The following KLF6 variants were observed in gnomAD, a reference collection of about 807,000 sequenced individuals.
The protein encoded by KLF6 is KLF transcription factor 6, also known as Krueppel-like factor 6.
For missense variants in KLF6, 233 were observed against 359.8 expected, an observed-to-expected ratio of 0.65 and a Z score of 2.85; for synonymous variants, 152 against 147.9, an observed-to-expected ratio of 1.03 and a Z score of -0.20.
Position 3,780,429 on chromosome 10 carries a change from T to C in KLF6, c.677-200A>G. On this transcript the variant is annotated intron_variant, in intron 2 of 3. Transcript: ENST00000497571. This position sits in a 1 kb window ranked among gnomAD's most constrained non-coding sequence, Gnocchi z 4.6. ...CCCAGTCTCAGGCCTCCCACTGCTG[T>C]CCAAGGGACACAGCTTCAGCCAAGC... is the stretch of plus-strand genomic sequence containing the variant. The C allele has an allele frequency of 1.5e-6, 1 of 658,532 alleles. No homozygotes were observed. Among genetic ancestry groups the C allele is most frequent in the Non-Finnish European group, 2.7e-6 (1 of 364,442 alleles). The allele number at this position is 658,532 out of a possible 1,614,324, so 40.8% of individuals were successfully genotyped here. A position where few individuals can be genotyped will look rare whatever the true frequency, so the allele number is the denominator to read the frequency against.
At chr10:3,784,012 C>T (rs923102528) in intron 1 of KLF6, among the ~76,000 whole-genome samples, 1 of 152,190 alleles carries the variant, frequency 6.6e-6, no homozygotes, top group Non-Finnish European at 1.5e-5. Flanking sequence ...TTTCATCTTC[C>T]TTAAAGCTTT....
intron 1 of KLF6, 48 bp downstream of exon 1, chr10:3,784,865 C>G: frequency 6.4e-7 from 1 of 1,567,872 alleles, no homozygotes; most frequent in African/African-American, 1.4e-5. Context: ...ACAGCCGACC[C>G]GGCCCGCGCC....
chr10:3,785,133 G>A lies in KLF6; in HGVS notation c.-119C>T, dbSNP rs761680134. On this transcript the variant is annotated 5_prime_UTR_variant, in exon 1 of 4. Transcript: ENST00000497571. ...GTTTCATGCAAACTCCAGGCTCGCAGAGACGCCCGGCCGGACCCTCCCGCA... is the reference window on the plus strand; with the variant it reads ...GTTTCATGCAAACTCCAGGCTCGCAAAGACGCCCGGCCGGACCCTCCCGCA... 293 of 1,542,856 alleles carry A rather than the reference G, an allele frequency of 1.9e-4. 1 individual carries two copies. In the African/African-American group the frequency reaches 3.4e-3, roughly 18 times the overall value.
Position 3,779,245 on chromosome 10 carries a change from C to T in KLF6, c.*294G>A, listed in dbSNP as rs1334944135. The stretch of plus-strand genomic sequence containing the variant: ...CAGTAATAGATCCTCAACATACAAT[C>T]AACCCAACCATTAGCATTCTCAGTG... On this transcript the variant is annotated 3_prime_UTR_variant, in exon 4 of 4. Coordinates refer to ENST00000497571, the MANE Select transcript of KLF6 (RefSeq NM_001300.6). The T allele has an allele frequency of 1.7e-6, 1 of 595,404 alleles. No individual in the cohort carries two copies. Among genetic ancestry groups the T allele is most frequent in the South Asian group, 1.5e-5 (1 of 65,714 alleles). 36.9% of individuals were successfully genotyped at this position (595,404 alleles called of 1,614,324 possible).
Position 3,778,651 on chromosome 10 carries a change from G to A in KLF6, c.*888C>T, listed in dbSNP as rs1238670970. 5.4e-5 allele frequency: 28 copies of A among 517,338 alleles called. No individual in the cohort carries two copies. Among genetic ancestry groups the A allele is most frequent in the East Asian group, 4.1e-5 (1 of 24,574 alleles). 32.0% of individuals were successfully genotyped at this position (517,338 alleles called of 1,614,324 possible). ...AAAAAAATTGTATATTGCCAGGCCC[G>A]GATGGCTAGGGGGTCACTGTATTAG... On this transcript the variant is annotated 3_prime_UTR_variant, in exon 4 of 4. Coordinates refer to ENST00000497571, the MANE Select transcript of KLF6 (RefSeq NM_001300.6).
In KLF6 at chr10:3,778,369, A is replaced by G; in HGVS notation, c.*1170T>C. On this transcript the variant is annotated 3_prime_UTR_variant, in exon 4 of 4. Transcript: ENST00000497571. ...CTCAAGGCATAAATAAGAGAAACATAGCTGCATGAGAAAACAGTTTCTAAG... is the reference window on the plus strand; with the variant it reads ...CTCAAGGCATAAATAAGAGAAACATGGCTGCATGAGAAAACAGTTTCTAAG... 1 of 524,546 alleles carries G rather than the reference A, an allele frequency of 1.9e-6. No homozygotes were observed. The allele number at this position is 524,546 out of a possible 1,614,324, so 32.5% of individuals were successfully genotyped here. A position where few individuals can be genotyped will look rare whatever the true frequency, so the allele number is the denominator to read the frequency against.
At chr10:3,779,958 T>C (rs1832484076) in intron 3 of KLF6, 148 bp downstream of exon 3, 2 of 1,033,996 alleles carry the variant, frequency 1.9e-6, no homozygotes, top group Admixed American at 2.0e-5. Flanking sequence ...CCAGAAACTT[T>C]CTAAAAAGTC....
rs1216506458 is a variant in KLF6 at position 3,776,879 on chromosome 10, C to G, written c.*2660G>C. 1 of 523,278 alleles carries G rather than the reference C, an allele frequency of 1.9e-6. No homozygotes were observed. The highest frequency in any genetic ancestry group is 3.7e-6 in the Non-Finnish European group (1 of 271,550). 32.4% of individuals were successfully genotyped at this position (523,278 alleles called of 1,614,324 possible). On this transcript the variant is annotated 3_prime_UTR_variant, in exon 4 of 4. Transcript: ENST00000497571. ...CGGTACCCAGCCCCACCCAGGCAAA[C>G]AGCTCCGACATGTTTCGTAAGTGAG...
chr10:3,783,454 G>C (rs1832576263), intron 1 of KLF6, among the ~76,000 whole-genome samples: 1 of 152,094 alleles, frequency 6.6e-6, no homozygotes, highest in South Asian at 2.1e-4. Flanking sequence ...TTCCGGGCAG[G>C]GACCTTCCTG....
chr10:3,777,317 T>C lies in KLF6; in HGVS notation c.*2222A>G, dbSNP rs1172570766. 1 of 513,548 alleles carries C rather than the reference T, an allele frequency of 1.9e-6. No individual in the cohort carries two copies. Among genetic ancestry groups the C allele is most frequent in the Non-Finnish European group, 3.8e-6 (1 of 262,954 alleles). The allele number at this position is 513,548 out of a possible 1,614,324, so 31.8% of individuals were successfully genotyped here. A position where few individuals can be genotyped will look rare whatever the true frequency, so the allele number is the denominator to read the frequency against. On this transcript the variant is annotated 3_prime_UTR_variant, in exon 4 of 4. Coordinates refer to ENST00000497571, the MANE Select transcript of KLF6 (RefSeq NM_001300.6). Reference sequence around the variant, plus strand: ...TATGCCAATTCGGGGAAATTACTCCTTGGAAAAACTGGAAGAATCTACTTG... The same window carrying C: ...TATGCCAATTCGGGGAAATTACTCCCTGGAAAAACTGGAAGAATCTACTTG...
chr10:3,779,250 C>A lies in KLF6; in HGVS notation c.*289G>T. 1.7e-6 allele frequency: 1 copy of A among 601,448 alleles called. No homozygotes were observed. The highest frequency in any genetic ancestry group is 1.8e-5 in the African/African-American group (1 of 55,694). The allele number at this position is 601,448 out of a possible 1,614,324, so 37.3% of individuals were successfully genotyped here. On this transcript the variant is annotated 3_prime_UTR_variant, in exon 4 of 4. Coordinates refer to ENST00000497571, the MANE Select transcript of KLF6 (RefSeq NM_001300.6). ...ATAGATCCTCAACATACAATCAACC[C>A]AACCATTAGCATTCTCAGTGTGCAT...
In KLF6 at chr10:3,782,285, A is replaced by G; in HGVS notation, c.103-71T>C. On this transcript the variant is annotated intron_variant, in intron 1 of 3. Transcript: ENST00000497571. The surrounding 1 kb of genome is among the most constrained non-coding windows in gnomAD (Gnocchi z 4.3). ...AAAAGTAAAAGCAAAAGCAATTTCC[A>G]AAAACATGCAAGAATGAAGGACAGA... 7.9e-7 allele frequency: 1 copy of G among 1,266,698 alleles called. No individual in the cohort carries two copies. Among genetic ancestry groups the G allele is most frequent in the South Asian group, 1.2e-5 (1 of 82,444 alleles). The allele number at this position is 1,266,698 out of a possible 1,614,324, so 78.5% of individuals were successfully genotyped here. A position where few individuals can be genotyped will look rare whatever the true frequency, so the allele number is the denominator to read the frequency against.
At position 3,782,693 on chromosome 10, in the gene KLF6, G is replaced by A. The variant is rs759619375; in HGVS notation, c.103-479C>T. ...CCACACAGGACAGAAAGACTGCACG[G>A]CACACAGCGTGTTCTGAGGGACCCC... is the stretch of plus-strand genomic sequence containing the variant. On this transcript the variant is annotated intron_variant, in intron 1 of 3. Transcript: ENST00000497571. The surrounding 1 kb of genome is among the most constrained non-coding windows in gnomAD (Gnocchi z 4.3). 1.1e-4 allele frequency among the ~76,000 whole-genome samples: 16 copies of A among 152,202 alleles called. No homozygotes were observed. Among genetic ancestry groups the A allele is most frequent in the Non-Finnish European group, 2.2e-4 (15 of 68,036 alleles).
chr10:3,778,282 T>C lies in KLF6; in HGVS notation c.*1257A>G. ...TGAGACCCCCACAGAAGGGATCGCTTGCGTAAGGCACCATTATGAAGGTCA... is the reference window on the plus strand; with the variant it reads ...TGAGACCCCCACAGAAGGGATCGCTCGCGTAAGGCACCATTATGAAGGTCA... On this transcript the variant is annotated 3_prime_UTR_variant, in exon 4 of 4. Coordinates refer to ENST00000497571, the MANE Select transcript of KLF6 (RefSeq NM_001300.6). 1.9e-6 allele frequency: 1 copy of C among 527,220 alleles called. No individual in the cohort carries two copies. The highest frequency in any genetic ancestry group is 1.5e-5 in the South Asian group (1 of 65,074). 32.7% of individuals were successfully genotyped at this position (527,220 alleles called of 1,614,324 possible).
In KLF6 at chr10:3,781,500, T is replaced by A; in HGVS notation, c.676+141A>T. ...TCTGAACTCCAAAAAGACCTAATGC[T>A]TTGGTGGAAAACATCTGAGGAAGTG... On this transcript the variant is annotated intron_variant, in intron 2 of 3. Coordinates refer to ENST00000497571, the MANE Select transcript of KLF6 (RefSeq NM_001300.6). This position sits in a 1 kb window ranked among gnomAD's most constrained non-coding sequence, Gnocchi z 5.8. The A allele has an allele frequency of 6.4e-7, 1 of 1,552,034 alleles. No individual in the cohort carries two copies. The highest frequency in any genetic ancestry group is 2.4e-5 in the East Asian group (1 of 40,936).
Position 3,782,495 on chromosome 10 carries a change from C to A in KLF6, c.103-281G>T, listed in dbSNP as rs1036529296. Among the ~76,000 whole-genome samples, 1 of 152,202 alleles carries A rather than the reference C, an allele frequency of 6.6e-6. No individual in the cohort carries two copies. On this transcript the variant is annotated intron_variant, in intron 1 of 3. Transcript: ENST00000497571. This position sits in a 1 kb window ranked among gnomAD's most constrained non-coding sequence, Gnocchi z 4.3. ...CCACAATGAGTGATGATCACTAAGC[C>A]GGTTTTTTTGTTGTAGTTACCAGTG...
rs931892051 is a variant in KLF6, at chr10:3,776,431, G to C, written c.*3108C>G. ...GTGGAAAGAGGAAGGGGCTGAGGTC[G>C]GTGAGTTGTTCTCAGGGTTGCTCAA... On this transcript the variant is annotated 3_prime_UTR_variant, in exon 4 of 4. Transcript: ENST00000497571. The C allele has an allele frequency of 7.5e-6, 4 of 532,034 alleles. No homozygotes were observed. In the East Asian group the frequency reaches 1.2e-4, roughly 16 times the overall value. 33.0% of individuals were successfully genotyped at this position (532,034 alleles called of 1,614,324 possible). A position where few individuals can be genotyped will look rare whatever the true frequency, so the allele number is the denominator to read the frequency against.
chr10:3,779,324 C>G lies in KLF6; in HGVS notation c.*215G>C, dbSNP rs959863895. On this transcript the variant is annotated 3_prime_UTR_variant, in exon 4 of 4. Coordinates refer to ENST00000497571, the MANE Select transcript of KLF6 (RefSeq NM_001300.6). Reference sequence around the variant, plus strand: ...CGCTCGGAAGGGCGGGTACCAGTGGCGAGTCCAGGGTCACCCACATACCAT... The same window carrying G: ...CGCTCGGAAGGGCGGGTACCAGTGGGGAGTCCAGGGTCACCCACATACCAT... 1 of 672,228 alleles carries G rather than the reference C, an allele frequency of 1.5e-6. No homozygotes were observed. The highest frequency in any genetic ancestry group is 3.8e-4 in the Middle Eastern group (1 of 2,624). 41.6% of individuals were successfully genotyped at this position (672,228 alleles called of 1,614,324 possible). A position where few individuals can be genotyped will look rare whatever the true frequency, so the allele number is the denominator to read the frequency against.
rs944063644 is a variant in KLF6 at position 3,777,793 on chromosome 10, A to G, written c.*1746T>C. 1.9e-5 allele frequency: 9 copies of G among 463,886 alleles called. No homozygotes were observed. The allele number at this position is 463,886 out of a possible 1,614,324, so 28.7% of individuals were successfully genotyped here. On this transcript the variant is annotated 3_prime_UTR_variant, in exon 4 of 4. Transcript: ENST00000497571. ...ATATACACACATACACATACTGTAC[A>G]CACAAATATACATACACAAGAATTC...
Sources: allele counts gnomAD v4.1 joint callset (sites outside exome capture counted in the v4.1 genomes callset), GRCh38; gene constraint gnomAD v4.1.1; non-coding constraint Gnocchi (gnomAD v3.1); transcripts MANE v1.5; gene names NCBI Gene and HGNC (gene_info 2026-07-23, HGNC 2026-07-21).